The following MAPT variants were observed in gnomAD, a reference collection of about 807,000 sequenced individuals.
The protein encoded by MAPT is microtubule associated protein tau.
A neutral mutation model predicts 67.9 loss-of-function variants in MAPT; 34 were observed. The observed-to-expected ratio is 0.50, with a 90% CI of 0.38 to 0.67. The LOEUF (loss-of-function observed/expected upper bound fraction) is 0.67, where lower values mean the gene tolerates loss of function less well. MAPT is among the 30% of genes least tolerant of loss of function. The probability of loss-of-function intolerance (pLI) is 0.00; values close to 1 mark genes in which losing one functional copy is unlikely to be tolerated. For missense variants in MAPT, 881 were observed against 1,115.2 expected (o/e 0.79, Z 2.99); for synonymous variants, 456 against 464.5 (o/e 0.98, Z 0.23).
chr17:46,013,783 C>A (rs542749184), intron 10 of MAPT, among the ~76,000 whole-genome samples: 1 of 152,332 alleles, frequency 6.6e-6, no homozygotes, highest in African/African-American at 2.4e-5. Context: ...CCACTCCTGC[C>A]TTTCCAGCAA....
At chr17:45,905,770 C>T (rs2064263543) in intron 1 of MAPT, among the ~76,000 whole-genome samples, 1 of 152,164 alleles carries the variant, frequency 6.6e-6, no homozygotes, top group Admixed American at 6.5e-5. Flanking sequence ...CTGTCTTCCC[C>T]CTCAGAATGG....
At position 45,983,821 on chromosome 17, in the gene MAPT, C is replaced by G. The variant is rs1201166398; in HGVS notation, c.1242C>G (p.Gly414=). The part of the protein sequence containing the change: ...GAPGEGPEAR[G]PSLGEDTKEA... The stretch of plus-strand genomic sequence containing the variant: ...CTGGAGAGGGGCCAGAGGCCCGGGG[C>G]CCCTCTTTGGGAGAGGACACAAAAG... The change falls in exon 5 of 13, where the codon GGC becomes GGG. Residue 414 remains glycine, a synonymous_variant. Transcript: ENST00000262410. 6.2e-7 allele frequency: 1 copy of G among 1,613,028 alleles called. No individual in the cohort carries two copies. The highest frequency in any genetic ancestry group is 8.5e-7 in the Non-Finnish European group (1 of 1,179,894).
At chr17:45,907,425 T>C (rs2064398021) in intron 1 of MAPT, among the ~76,000 whole-genome samples, 1 of 152,204 alleles carries the variant, frequency 6.6e-6, no homozygotes, top group East Asian at 1.9e-4. Flanking sequence ...CCGCTTCCTG[T>C]GTAGGACTCA....
chr17:45,945,050 A>G (rs2068345102), intron 1 of MAPT, among the ~76,000 whole-genome samples: 1 of 152,184 alleles, frequency 6.6e-6, no homozygotes, highest in African/African-American at 2.4e-5. Flanking sequence ...AAGAGGGCCT[A>G]TGTACCCACA....
rs1470752751 is a variant in MAPT, at chr17:45,941,669, TCCCC to T, written c.-17-20649_-17-20646del. ...TTCCCCCCTTCCACCCTTCCCCCCTTCCCCCCTTCCCTCCTTCCTTCCTTCCTTC... is the reference window on the plus strand; with the variant it reads ...TTCCCCCCTTCCACCCTTCCCCCCTTCCTTCCCTCCTTCCTTCCTTCCTTC... On this transcript the variant is annotated intron_variant, in intron 1 of 12. Transcript: ENST00000262410. Among the ~76,000 whole-genome samples, 296 of 97,536 alleles carry T rather than the reference TCCCC, an allele frequency of 3.0e-3. 10 individuals carry two copies. Among genetic ancestry groups the T allele is most frequent in the African/African-American group, 0.012 (273 of 22,444 alleles). The allele number at this position is 97,536 out of a possible 152,430, so 64.0% of individuals were successfully genotyped here.
Position 45,983,665 on chromosome 17 carries a change from C to T in MAPT, c.1086C>T (p.Pro362=). ...TCCCAGCCTCAGAGCCCGACGGGCC[C>T]AGTGTAGGGCGGGCCAAAGGGCAGG... ...TEIPASEPDG[P]SVGRAKGQDA... The change falls in exon 5 of 13, where the codon CCC becomes CCT. Residue 362 remains proline (P), a synonymous_variant. Coordinates refer to ENST00000262410, the MANE Select transcript of MAPT (RefSeq NM_001377265.1). 2 of 1,614,062 alleles carry T rather than the reference C, an allele frequency of 1.2e-6. No homozygotes were observed. The highest frequency in any genetic ancestry group is 1.7e-6 in the Non-Finnish European group (2 of 1,180,012).
In MAPT at chr17:45,983,843, A is replaced by G; in HGVS notation, c.1264A>G (p.Lys422Glu). Residue 422 changes from lysine to glutamate, a missense_variant, in exon 5 of 13, where the codon AAA (lysine) becomes GAA (glutamate). By Grantham distance (56) the Lys-to-Glu change is moderately conservative. Around this residue, in one of 6 missense-constraint regions of MAPT, gnomAD observed 687 missense variants for 766.1 expected, o/e 0.90. Transcript: ENST00000262410. ...GGGCCCCTCTTTGGGAGAGGACACA[A>G]AAGAGGCTGACCTTCCAGAGCCCTC... ...ARGPSLGEDT[K>E]EADLPEPSEK... is the part of the protein sequence containing the mutation. 1 of 1,610,694 alleles carries G rather than the reference A, an allele frequency of 6.2e-7. No homozygotes were observed. The highest frequency in any genetic ancestry group is 8.5e-7 in the Non-Finnish European group (1 of 1,179,256).
intron 1 of MAPT, among the ~76,000 whole-genome samples, chr17:45,947,341 G>A (rs1028229248): frequency 7.9e-5 from 12 of 151,358 alleles, no homozygotes; most frequent in African/African-American, 1.9e-4. Context: ...AAGATCCAGC[G>A]TCACAAGGGT....
At chr17:45,903,873 ATATATTTATATATT>A (rs1204195105) in intron 1 of MAPT, among the ~76,000 whole-genome samples, 1 of 50,924 alleles carries the variant, frequency 2.0e-5, no homozygotes, top group African/African-American at 7.9e-5. Flanking sequence ...ATTATATATT[ATATATTTATATATT>A]TATATATTAT....
Position 45,987,392 on chromosome 17 carries a change from A to ACCCC in MAPT, c.1407+297_1407+298insCCCC, listed in dbSNP as rs879827459. Among the ~76,000 whole-genome samples the ACCCC allele has an allele frequency of 0.14, 21,457 of 152,158 alleles. 2,125 individuals carry two copies. The highest frequency in any genetic ancestry group is 0.21 in the Non-Finnish European group (14,401 of 67,954). ...TAAATGAAGGTGTGTTTGAAAACCA[A>ACCCC]ACCCAGGACAGTAAATGAAGGTGTG... On this transcript the variant is annotated intron_variant, in intron 6 of 12. Coordinates refer to ENST00000262410, the MANE Select transcript of MAPT (RefSeq NM_001377265.1).
chr17:45,999,581 A>T, intron 9 of MAPT: 1 of 1,612,436 alleles, frequency 6.2e-7, no homozygotes, highest in Non-Finnish European at 8.5e-7. Context: ...GGCCCCTTTC[A>T]GGGCCAGAAC....
At chr17:46,017,151 CCAGCTGTGAGAG>C in intron 11 of MAPT, among the ~76,000 whole-genome samples, 1 of 152,228 alleles carries the variant, frequency 6.6e-6, no homozygotes, top group Non-Finnish European at 1.5e-5. Flanking sequence ...TGCCACCACC[CCAGCTGTGAGAG>C]CAGCTGGGAG....
chr17:45,957,106 T>C (rs556354467), intron 1 of MAPT, among the ~76,000 whole-genome samples: 31 of 152,342 alleles, frequency 2.0e-4, no homozygotes, highest in African/African-American at 7.2e-4. Flanking sequence ...CCTTTGGTTA[T>C]ATACCCAGTA....
intron 1 of MAPT, among the ~76,000 whole-genome samples, chr17:45,898,976 G>T (rs896124958): frequency 2.6e-5 from 4 of 152,054 alleles, no homozygotes; most frequent in African/African-American, 9.7e-5. Context: ...CACCCCCCTG[G>T]CCACTCCTAA....
intron 1 of MAPT, among the ~76,000 whole-genome samples, chr17:45,927,102 G>T (rs1478925134): frequency 6.6e-6 from 1 of 151,810 alleles, no homozygotes; most frequent in South Asian, 2.1e-4. Context: ...TAGGTGAAGG[G>T]AATATGGTAT....
chr17:45,951,530 T>G (rs181204106), intron 1 of MAPT, among the ~76,000 whole-genome samples: 111 of 152,180 alleles, frequency 7.3e-4, no homozygotes, highest in African/African-American at 2.6e-3. Context: ...CTCATCTCTC[T>G]CTCTCTCTCT....
rs754588669 is a variant in MAPT at position 45,971,925 on chromosome 17, A to G, written c.200A>G (p.Lys67Arg). The G allele has an allele frequency of 1.2e-6, 2 of 1,614,112 alleles. No individual in the cohort carries two copies. Among genetic ancestry groups the G allele is most frequent in the Non-Finnish European group, 1.7e-6 (2 of 1,180,016 alleles). The change falls in exon 3 of 13, where the codon AAG becomes AGG. Residue 67 changes from lysine to arginine, a missense_variant. Physicochemically the swap from Lys to Arg is conservative, Grantham distance 26 (BLOSUM62 2). Around this residue, in one of 6 missense-constraint regions of MAPT, gnomAD observed 687 missense variants for 766.1 expected, o/e 0.90. Transcript: ENST00000262410. The surrounding 1 kb of genome is among the most constrained non-coding windows in gnomAD (Gnocchi z 4.3). ...EEPGSETSDA[K>R]STPTAEAEEA... is the part of the protein sequence containing the mutation. Reference sequence around the variant, plus strand: ...CCGGGCTCTGAAACCTCTGATGCTAAGAGCACTCCAACAGCGGAAGGTGGG... The same window carrying G: ...CCGGGCTCTGAAACCTCTGATGCTAGGAGCACTCCAACAGCGGAAGGTGGG...
rs572419331 is a variant in MAPT, at chr17:45,983,820, G to C, written c.1241G>C (p.Gly414Ala). ...GAPGEGPEAR[G>A]PSLGEDTKEA... is the part of the protein sequence containing the mutation. ...CCTGGAGAGGGGCCAGAGGCCCGGG[G>C]CCCCTCTTTGGGAGAGGACACAAAA... is the stretch of plus-strand genomic sequence containing the variant. The change falls in exon 5 of 13, where the codon GGC (glycine) becomes GCC (alanine). Residue 414 changes from glycine (G) to alanine (A), a missense_variant. By Grantham distance (60) the Gly-to-Ala change is moderately conservative. Coordinates refer to ENST00000262410, the MANE Select transcript of MAPT (RefSeq NM_001377265.1). 1 of 1,613,056 alleles carries C rather than the reference G, an allele frequency of 6.2e-7. No homozygotes were observed. The highest frequency in any genetic ancestry group is 1.1e-5 in the South Asian group (1 of 91,066).
chr17:46,009,688 G>A (rs2075691912), intron 9 of MAPT, among the ~76,000 whole-genome samples: 1 of 152,218 alleles, frequency 6.6e-6, no homozygotes, highest in South Asian at 2.1e-4. Context: ...TGCCTACGGG[G>A]TCAGGGCTTC....
Sources: allele counts gnomAD v4.1 joint callset (sites outside exome capture counted in the v4.1 genomes callset), GRCh38; gene constraint gnomAD v4.1.1; regional missense constraint gnomAD v4.1.1; non-coding constraint Gnocchi (gnomAD v3.1); transcripts MANE v1.5; gene names NCBI Gene and HGNC (gene_info 2026-07-23, HGNC 2026-07-21).